Variants in ITGA6 observed in about 807,000 individuals in gnomAD.
ITGA6 encodes the protein integrin subunit alpha 6, also known as integrin alpha-6.
Under a neutral mutation model 133.6 loss-of-function variants are expected in ITGA6, and 63 were observed. That is an observed-to-expected ratio of 0.47 (90% CI 0.38 to 0.58). The LOEUF is 0.58. Among genes scored for constraint, ITGA6 ranks in the 20% least tolerant of loss-of-function variants. The pLI is 0.00. For synonymous variants in ITGA6, 434 were observed against 482.0 expected (o/e 0.90, Z 1.30); for missense variants, 1,068 against 1,309.4 (o/e 0.82, Z 2.85).
intron 1 of ITGA6, among the ~76,000 whole-genome samples, chr2:172,447,587 T>C (rs578052321): frequency 6.6e-6 from 1 of 152,364 alleles, no homozygotes; most frequent in African/African-American, 2.4e-5. Flanking sequence ...TTGATCATTT[T>C]AAATGCAGGC....
At chr2:172,454,135 G>A (rs1197839556) in intron 1 of ITGA6, among the ~76,000 whole-genome samples, 2 of 150,650 alleles carry the variant, frequency 1.3e-5, no homozygotes, top group Non-Finnish European at 2.9e-5. Context: ...CCAGGCTGGA[G>A]TGCGGTGGTG....
At chr2:172,442,219 G>A (rs1684573560) in intron 1 of ITGA6, among the ~76,000 whole-genome samples, 2 of 152,192 alleles carry the variant, frequency 1.3e-5, no homozygotes, top group African/African-American at 4.8e-5. Flanking sequence ...AAGGCGAGGT[G>A]CCTGACTCAG....
chr2:172,489,135 A>T (rs1242044328), intron 19 of ITGA6, among the ~76,000 whole-genome samples: 1 of 152,176 alleles, frequency 6.6e-6, no homozygotes, highest in East Asian at 1.9e-4. Context: ...AGGACTTGTC[A>T]TTGGCCAAGC....
In ITGA6 at chr2:172,488,422, A is replaced by G. The variant is rs1686783126; in HGVS notation, c.2505+194A>G. Among the ~76,000 whole-genome samples, 4 of 152,246 alleles carry G rather than the reference A, an allele frequency of 2.6e-5. No homozygotes were observed. In the South Asian group the frequency reaches 8.3e-4, roughly 32 times the overall value. ...AATTTTATCCTCCAGGATGGAGAAC[A>G]ATTGTCACTGTTCAGAATCCAGTTC... On this transcript the variant is annotated intron_variant, in intron 19 of 25. Transcript: ENST00000684293.
chr2:172,484,202 C>A (rs1297788069), intron 11 of ITGA6, among the ~76,000 whole-genome samples: 1 of 152,238 alleles, frequency 6.6e-6, no homozygotes, highest in Non-Finnish European at 1.5e-5. Context: ...AGACAACTAT[C>A]CTTTATCAGT....
Position 172,504,079 on chromosome 2 carries a change from C to T in ITGA6, c.*23-12C>T, listed in dbSNP as rs1687458662. On this transcript the variant is annotated splice_polypyrimidine_tract_variant and intron_variant, in intron 25 of 25. Transcript: ENST00000684293. ...ATTAATTTGTTTCTCTTTCTCTTTC[C>T]CTCTTCTCTAGTGTGGATTCTTTAA... 5.2e-6 allele frequency: 8 copies of T among 1,552,348 alleles called. No individual in the cohort carries two copies. The highest frequency in any genetic ancestry group is 7.0e-6 in the Non-Finnish European group (8 of 1,150,550).
Position 172,469,267 on chromosome 2 carries a change from G to C in ITGA6, c.530G>C (p.Gly177Ala). Residue 177 changes from glycine to alanine, a missense_variant, in exon 4 of 26, where the codon GGG (glycine) becomes GCG (alanine). Coordinates refer to ENST00000684293, the MANE Select transcript of ITGA6 (RefSeq NM_000210.4). ...MDGGDWSFCDGRLRGHEKFGS... is the reference protein window; with the variant it reads ...MDGGDWSFCDARLRGHEKFGS... ...GGGGGAGATTGGAGCTTTTGTGATG[G>C]GCGATTGAGAGGCCATGAGAAATTT... 9 of 1,614,166 alleles carry C rather than the reference G, an allele frequency of 5.6e-6. No homozygotes were observed. Among genetic ancestry groups the C allele is most frequent in the Non-Finnish European group, 7.6e-6 (9 of 1,180,020 alleles).
chr2:172,445,866 A>G (rs1413875729), intron 1 of ITGA6, among the ~76,000 whole-genome samples: 1 of 152,210 alleles, frequency 6.6e-6, no homozygotes, highest in African/African-American at 2.4e-5. Flanking sequence ...AGGAGCAAAG[A>G]ACAGAGCCAA....
chr2:172,477,995 A>G (rs1440598815), intron 9 of ITGA6, among the ~76,000 whole-genome samples: 7 of 152,222 alleles, frequency 4.6e-5, no homozygotes, highest in African/African-American at 1.7e-4. Context: ...TAATTCATGT[A>G]TATTTTGCCC....
intron 1 of ITGA6, among the ~76,000 whole-genome samples, chr2:172,462,365 C>G (rs1378613004): frequency 6.6e-6 from 1 of 152,214 alleles, no homozygotes; most frequent in Non-Finnish European, 1.5e-5. Context: ...GCAGGCTGAG[C>G]TCGCCCAGAG....
chr2:172,431,619 GTA>G (rs1684108952), intron 1 of ITGA6, among the ~76,000 whole-genome samples: 1 of 152,226 alleles, frequency 6.6e-6, no homozygotes, highest in Non-Finnish European at 1.5e-5. Context: ...TTCAGGATGT[GTA>G]CCTAAGCACT....
At chr2:172,447,421 C>G (rs537397276) in intron 1 of ITGA6, among the ~76,000 whole-genome samples, 1 of 151,948 alleles carries the variant, frequency 6.6e-6, no homozygotes, top group South Asian at 2.1e-4. Flanking sequence ...ACTAGGCTGG[C>G]CTCGAACTCC....
At chr2:172,437,817 G>C (rs1661129787) in intron 1 of ITGA6, among the ~76,000 whole-genome samples, 1 of 148,424 alleles carries the variant, frequency 6.7e-6, no homozygotes, top group South Asian at 2.1e-4. Context: ...GAGCCCTGGA[G>C]ACTGACACCC....
intron 1 of ITGA6, among the ~76,000 whole-genome samples, chr2:172,459,773 T>C (rs1308961869): frequency 1.3e-5 from 2 of 152,146 alleles, no homozygotes; most frequent in African/African-American, 4.8e-5. Flanking sequence ...CCAGATCAAA[T>C]CCAGTTACCC....
At chr2:172,435,685 G>A (rs547630704) in intron 1 of ITGA6, among the ~76,000 whole-genome samples, 34 of 141,400 alleles carry the variant, frequency 2.4e-4, no homozygotes, top group African/African-American at 8.6e-4. Flanking sequence ...GGAGTGTAGC[G>A]ATGCGATTTC....
intron 1 of ITGA6, among the ~76,000 whole-genome samples, chr2:172,440,159 C>T (rs1159947174): frequency 1.3e-5 from 2 of 152,126 alleles, no homozygotes; most frequent in East Asian, 1.9e-4. Flanking sequence ...ATGGAAGGCA[C>T]CCTATAAATG....
At chr2:172,486,215 G>C (rs562086516) in intron 13 of ITGA6, among the ~76,000 whole-genome samples, 6 of 147,360 alleles carry the variant, frequency 4.1e-5, no homozygotes, top group Non-Finnish European at 8.9e-5. Context: ...TTGATGATGA[G>C]TGTCTGTCCA....
intron 1 of ITGA6, among the ~76,000 whole-genome samples, chr2:172,431,026 A>G (rs1458918064): frequency 6.6e-6 from 1 of 152,164 alleles, no homozygotes; most frequent in Admixed American, 6.5e-5. Context: ...AGTCTCATGA[A>G]GTCATTTTGG....
At chr2:172,502,587 C>T (rs1687393041) in intron 25 of ITGA6, among the ~76,000 whole-genome samples, 1 of 152,190 alleles carries the variant, frequency 6.6e-6, no homozygotes, top group South Asian at 2.1e-4. Flanking sequence ...AAGATGATCC[C>T]TTACCAAAGT....
Sources: allele counts gnomAD v4.1 joint callset (sites outside exome capture counted in the v4.1 genomes callset), GRCh38; gene constraint gnomAD v4.1.1; transcripts MANE v1.5; gene names NCBI Gene and HGNC (gene_info 2026-07-23, HGNC 2026-07-21).